The following BTAF1 variants were observed in gnomAD, a reference collection of about 807,000 sequenced individuals.
BTAF1 encodes the protein B-TFIID TATA-box binding protein associated factor 1.
Under a neutral mutation model 227.1 loss-of-function variants are expected in BTAF1, and 38 were observed. That is an observed-to-expected ratio of 0.17 (90% CI 0.13 to 0.22). The LOEUF (loss-of-function observed/expected upper bound fraction) is 0.22. Among genes scored for constraint, BTAF1 ranks in the 10% least tolerant of loss-of-function variants. The pLI is 1.00. For missense variants in BTAF1, 1,598 were observed against 2,204.0 expected (o/e 0.73, Z 5.51); for synonymous variants, 742 against 751.9 (o/e 0.99, Z 0.21).
Position 91,956,538 on chromosome 10 carries a change from A to C in BTAF1, c.712A>C (p.Thr238Pro), listed in dbSNP as rs774986141. The change falls in exon 7 of 38, where the codon ACT becomes CCT. Residue 238 changes from threonine (T) to proline (P), a missense_variant. Transcript: ENST00000265990. ...VETNEKSNDS[T>P]DGEPEEKRRK... ...ACTTTTATTTTTTAGCAATGATAGC[A>C]CTGATGGGGAGCCAGAAGAAAAGAG... 2 of 1,602,934 alleles carry C rather than the reference A, an allele frequency of 1.2e-6. No individual in the cohort carries two copies. The highest frequency in any genetic ancestry group is 1.4e-5 in the African/African-American group (1 of 73,992).
chr10:91,938,790 G>C (rs1176567947), intron 2 of BTAF1, among the ~76,000 whole-genome samples: 1 of 152,146 alleles, frequency 6.6e-6, no homozygotes, highest in African/African-American at 2.4e-5. Context: ...TGAGGCTGCA[G>C]TGTGCTATGA....
At chr10:91,927,944 T>G (rs917357638) in intron 1 of BTAF1, among the ~76,000 whole-genome samples, 1 of 151,720 alleles carries the variant, frequency 6.6e-6, no homozygotes. Context: ...TTCCAGTGTT[T>G]TTCAGTGAGT....
intron 1 of BTAF1, among the ~76,000 whole-genome samples, chr10:91,924,401 A>G (rs150809559): frequency 6.6e-6 from 1 of 152,088 alleles, no homozygotes; most frequent in African/African-American, 2.4e-5. Flanking sequence ...GGAGTCTCTT[A>G]TCTTTCTCAG....
chr10:92,028,759 A>AT (rs10622641), intron 37 of BTAF1, 31 bp from the exon 38 acceptor site: 91,184 of 1,303,762 alleles, frequency 0.07, 78 homozygotes, highest in South Asian at 0.096. Context: ...CTCTCATTTT[A>AT]TTTTTTTTTT....
intron 34 of BTAF1, among the ~76,000 whole-genome samples, chr10:92,022,917 T>C (rs1286946481): frequency 1.3e-5 from 2 of 152,172 alleles, no homozygotes; most frequent in African/African-American, 4.8e-5. Context: ...AATAAAAATC[T>C]CAAACTTTAA....
chr10:91,940,516 G>GA (rs1157705342), intron 3 of BTAF1, among the ~76,000 whole-genome samples: 1 of 151,866 alleles, frequency 6.6e-6, no homozygotes, highest in Non-Finnish European at 1.5e-5. Flanking sequence ...TTTGTAGTGG[G>GA]AAAAAATGTG....
intron 1 of BTAF1, among the ~76,000 whole-genome samples, chr10:91,925,665 C>T (rs901596110): frequency 5.3e-5 from 8 of 152,110 alleles, no homozygotes; most frequent in Admixed American, 1.3e-4. Flanking sequence ...GCACCCGCCA[C>T]CACACCTGGC....
intron 30 of BTAF1, among the ~76,000 whole-genome samples, chr10:92,011,873 T>C (rs1462266601): frequency 6.6e-6 from 1 of 152,036 alleles, no homozygotes; most frequent in Non-Finnish European, 1.5e-5. Flanking sequence ...TATGTATGTA[T>C]CTTTAGATAC....
intron 14 of BTAF1, among the ~76,000 whole-genome samples, chr10:91,974,365 C>G (rs982103043): frequency 6.6e-6 from 1 of 152,178 alleles, no homozygotes; most frequent in Admixed American, 6.5e-5. Context: ...GCATGCACAT[C>G]TCTAAAATGT....
At chr10:91,992,573 G>A (rs1247378893) in intron 21 of BTAF1, among the ~76,000 whole-genome samples, 2 of 152,186 alleles carry the variant, frequency 1.3e-5, no homozygotes, top group Non-Finnish European at 2.9e-5. Flanking sequence ...TGACTGTAGA[G>A]AAGGTGCTCA....
chr10:92,022,077 C>T (rs1262218389), intron 34 of BTAF1, among the ~76,000 whole-genome samples: 1 of 152,140 alleles, frequency 6.6e-6, no homozygotes, highest in African/African-American at 2.4e-5. Context: ...CTTTTCAAGG[C>T]CCTGAACTCG....
rs1193922817 is a variant in BTAF1 at position 91,982,101 on chromosome 10, G to A, written c.1924G>A (p.Val642Met). The change falls in exon 17 of 38, where the codon GTG (valine) becomes ATG (methionine). Residue 642 changes from valine to methionine, a missense_variant. Val to Met is a conservative substitution (Grantham distance 21). Coordinates refer to ENST00000265990, the MANE Select transcript of BTAF1 (RefSeq NM_003972.3). ...ARAKEKTGGK[V>M]RQGQSQNKEV... ...TCTGTAGGAAAAAACAGGTGGTAAG[G>A]TGCGCCAAGGCCAAAGCCAGAATAA... 3 of 1,612,770 alleles carry A rather than the reference G, an allele frequency of 1.9e-6. No individual in the cohort carries two copies. Among genetic ancestry groups the A allele is most frequent in the Non-Finnish European group, 2.5e-6 (3 of 1,179,394 alleles).
At chr10:91,925,570 G>A (rs1469797711) in intron 1 of BTAF1, among the ~76,000 whole-genome samples, 1 of 134,244 alleles carries the variant, frequency 7.4e-6, no homozygotes, top group Non-Finnish European at 1.6e-5. Context: ...GGAGTGCAGT[G>A]GCGAGATCTC....
At chr10:91,957,586 G>T (rs896481267) in intron 8 of BTAF1, among the ~76,000 whole-genome samples, 2 of 152,120 alleles carry the variant, frequency 1.3e-5, no homozygotes, top group Admixed American at 1.3e-4. Context: ...TCCTTTGGAA[G>T]TGGACAATTT....
chr10:92,027,342 C>A (rs752505965), intron 37 of BTAF1, 42 bp downstream of exon 37: 5 of 1,501,342 alleles, frequency 3.3e-6, no homozygotes, highest in Non-Finnish European at 4.5e-6. Flanking sequence ...GAGTCACAGG[C>A]TTCCTGTGAC....
intron 28 of BTAF1, among the ~76,000 whole-genome samples, chr10:92,010,329 T>A (rs2676803): frequency 6.0e-4 from 91 of 152,316 alleles, no homozygotes; most frequent in Admixed American, 1.3e-3. Flanking sequence ...TTGTAAGTGA[T>A]AGAAATTCAA....
intron 14 of BTAF1, among the ~76,000 whole-genome samples, chr10:91,979,060 C>A (rs1564690188): frequency 6.6e-6 from 1 of 151,936 alleles, no homozygotes; most frequent in Non-Finnish European, 1.5e-5. Flanking sequence ...CTCCCACTTA[C>A]AGGTGAGAAT....
At chr10:92,014,246 A>G (rs1258697410) in intron 32 of BTAF1, among the ~76,000 whole-genome samples, 1 of 151,992 alleles carries the variant, frequency 6.6e-6, no homozygotes, top group African/African-American at 2.4e-5. Flanking sequence ...TTTTTTTTTA[A>G]GAGACAGGGT....
chr10:91,923,951 C>T lies in BTAF1; in HGVS notation c.-126C>T. ...CCCGAGGGCCTGCGCTGGAACGCCC[C>T]ACGCCGCACCGGCCGCTCCCCTGTG... On this transcript the variant is annotated 5_prime_UTR_variant, in exon 1 of 38. Transcript: ENST00000265990. 7.9e-7 allele frequency: 1 copy of T among 1,259,392 alleles called. No homozygotes were observed. 78.0% of individuals were successfully genotyped at this position (1,259,392 alleles called of 1,614,324 possible).
Sources: allele counts gnomAD v4.1 joint callset (sites outside exome capture counted in the v4.1 genomes callset), GRCh38; gene constraint gnomAD v4.1.1; transcripts MANE v1.5; gene names NCBI Gene and HGNC (gene_info 2026-07-23, HGNC 2026-07-21).